Variants in NXPH2 observed in about 807,000 individuals in gnomAD.
The protein encoded by NXPH2 is neurexophilin-2.
A neutral mutation model predicts 19.8 loss-of-function variants in NXPH2; 5 were observed. The ratio of observed to expected loss-of-function variants is 0.25; its 90% CI spans 0.13 to 0.53. The LOEUF (loss-of-function observed/expected upper bound fraction) is 0.53. Among genes scored for constraint, NXPH2 ranks in the 20% least tolerant of loss-of-function variants. The pLI is 0.96. For synonymous variants in NXPH2, 154 were observed against 127.4 expected, an observed-to-expected ratio of 1.21 and a Z score of -1.41; for missense variants, 289 against 322.8, an observed-to-expected ratio of 0.90 and a Z score of 0.80.
intron 1 of NXPH2, among the ~76,000 whole-genome samples, chr2:138,760,979 G>A (rs1193112893): frequency 6.6e-6 from 1 of 152,260 alleles, no homozygotes; most frequent in South Asian, 2.1e-4. Flanking sequence ...CCTGGCAAGA[G>A]CAGGCACCTG....
At chr2:138,707,861 T>A (rs1681041572) in intron 1 of NXPH2, among the ~76,000 whole-genome samples, 1 of 152,116 alleles carries the variant, frequency 6.6e-6, no homozygotes, top group Admixed American at 6.5e-5. Context: ...AGCCAATAGG[T>A]CCCTCTCTCT....
chr2:138,675,001 C>T (rs143724393), intron 1 of NXPH2, among the ~76,000 whole-genome samples: 3 of 152,294 alleles, frequency 2.0e-5, no homozygotes, highest in Non-Finnish European at 2.9e-5. Context: ...CCCTCACTCC[C>T]ACCTTCCTTC....
intron 1 of NXPH2, among the ~76,000 whole-genome samples, chr2:138,777,929 A>G (rs889225410): frequency 2.0e-5 from 3 of 151,186 alleles, no homozygotes; most frequent in Admixed American, 6.6e-5. Context: ...TTTCATATCT[A>G]GAAAATATTT....
At chr2:138,738,567 C>T (rs942202940) in intron 1 of NXPH2, among the ~76,000 whole-genome samples, 10 of 152,216 alleles carry the variant, frequency 6.6e-5, no homozygotes, top group East Asian at 3.9e-4. Flanking sequence ...GTCTTTTGTT[C>T]GGTATAGATT....
intron 1 of NXPH2, among the ~76,000 whole-genome samples, chr2:138,694,073 C>A (rs73961507): frequency 1.3e-5 from 2 of 152,100 alleles, no homozygotes; most frequent in South Asian, 4.2e-4. Flanking sequence ...ATTATATGAT[C>A]GAAGACTTTC....
intron 1 of NXPH2, among the ~76,000 whole-genome samples, chr2:138,739,826 G>A (rs950606391): frequency 6.6e-6 from 1 of 152,064 alleles, no homozygotes; most frequent in Non-Finnish European, 1.5e-5. Flanking sequence ...ATAAACATAA[G>A]CAAGCAACAA....
At chr2:138,717,939 A>G (rs1007708512) in intron 1 of NXPH2, among the ~76,000 whole-genome samples, 11 of 152,178 alleles carry the variant, frequency 7.2e-5, no homozygotes, top group Non-Finnish European at 1.3e-4. Context: ...ACATTATAAT[A>G]GAGTTGAAAA....
At chr2:138,721,126 G>A (rs374735683) in intron 1 of NXPH2, among the ~76,000 whole-genome samples, 2 of 152,156 alleles carry the variant, frequency 1.3e-5, no homozygotes, top group African/African-American at 4.8e-5. Flanking sequence ...TGGATCACAA[G>A]GTCAGGAGTT....
At chr2:138,743,054 G>T (rs1681669368) in intron 1 of NXPH2, among the ~76,000 whole-genome samples, 1 of 152,114 alleles carries the variant, frequency 6.6e-6, no homozygotes, top group Non-Finnish European at 1.5e-5. Context: ...AACAGTTGTA[G>T]CTCACATTTC....
chr2:138,755,658 A>G (rs905301855), intron 1 of NXPH2, among the ~76,000 whole-genome samples: 1 of 152,090 alleles, frequency 6.6e-6, no homozygotes, highest in Non-Finnish European at 1.5e-5. Context: ...TATTCTAGGT[A>G]TTGGACTTTC....
At chr2:138,719,864 T>C (rs1167147549) in intron 1 of NXPH2, among the ~76,000 whole-genome samples, 4 of 152,236 alleles carry the variant, frequency 2.6e-5, no homozygotes, top group Admixed American at 6.5e-5. Context: ...TGTACTTATA[T>C]ACGTTTCTTG....
rs1024439492 is a variant in NXPH2, at chr2:138,740,940, G to T, written c.51+39251C>A. On this transcript the variant is annotated intron_variant, in intron 1 of 1. Coordinates refer to ENST00000272641, the MANE Select transcript of NXPH2 (RefSeq NM_007226.3). ...CAGCCAATACAGTAGAGATGTGTGT[G>T]GGGGCTGGGGGTGGGGTGGGAAAAA... is the stretch of plus-strand genomic sequence containing the variant. 3.3e-5 allele frequency among the ~76,000 whole-genome samples: 5 copies of T among 151,978 alleles called. No homozygotes were observed. In the East Asian group the frequency reaches 9.7e-4, roughly 30 times the overall value.
intron 1 of NXPH2, among the ~76,000 whole-genome samples, chr2:138,691,839 C>T (rs1680751430): frequency 6.6e-6 from 1 of 152,154 alleles, no homozygotes; most frequent in South Asian, 2.1e-4. Context: ...TACCACTGAG[C>T]AATCCCAGTC....
intron 1 of NXPH2, among the ~76,000 whole-genome samples, chr2:138,686,583 G>C (rs939033421): frequency 2.6e-5 from 4 of 151,934 alleles, no homozygotes; most frequent in African/African-American, 9.7e-5. Flanking sequence ...TTAAGTTCTA[G>C]GGTACATGTG....
rs561569139 is a variant in NXPH2, at chr2:138,740,873, G to A, written c.51+39318C>T. Among the ~76,000 whole-genome samples the A allele has an allele frequency of 5.4e-5, 8 of 148,624 alleles. No homozygotes were observed. In the South Asian group the frequency reaches 1.6e-3, roughly 29 times the overall value. The stretch of plus-strand genomic sequence containing the variant: ...AAGCCACGCTGTAAACTCTGCCACA[G>A]AAATATGGGGGAAAAGTGCTGATTC... On this transcript the variant is annotated intron_variant, in intron 1 of 1. Coordinates refer to ENST00000272641, the MANE Select transcript of NXPH2 (RefSeq NM_007226.3).
chr2:138,739,478 C>T (rs1681610345), intron 1 of NXPH2, among the ~76,000 whole-genome samples: 2 of 152,076 alleles, frequency 1.3e-5, no homozygotes, highest in Admixed American at 6.6e-5. Flanking sequence ...TATGGAATGA[C>T]CTAAGCTGTG....
intron 1 of NXPH2, among the ~76,000 whole-genome samples, chr2:138,690,294 A>G (rs1468505334): frequency 6.6e-6 from 1 of 151,990 alleles, no homozygotes; most frequent in Non-Finnish European, 1.5e-5. Context: ...CTGTTCCTCC[A>G]TTGTCAACAT....
At chr2:138,730,890 G>C (rs1265980281) in intron 1 of NXPH2, among the ~76,000 whole-genome samples, 1 of 152,160 alleles carries the variant, frequency 6.6e-6, no homozygotes, top group African/African-American at 2.4e-5. Context: ...TGCAGCAATA[G>C]CTAACTATAA....
chr2:138,718,272 A>AATT (rs773322125), intron 1 of NXPH2, among the ~76,000 whole-genome samples: 6 of 152,068 alleles, frequency 3.9e-5, no homozygotes, highest in Non-Finnish European at 8.8e-5. Flanking sequence ...GTGAAAAGAC[A>AATT]ATTTAAAAAA....
Sources: allele counts gnomAD v4.1 joint callset (sites outside exome capture counted in the v4.1 genomes callset), GRCh38; gene constraint gnomAD v4.1.1; transcripts MANE v1.5; gene names NCBI Gene and HGNC (gene_info 2026-07-23, HGNC 2026-07-21).